The following AQP11 variants were observed in gnomAD, a reference collection of about 807,000 sequenced individuals.
The protein encoded by AQP11 is aquaporin 11.
A neutral mutation model predicts 21.1 loss-of-function variants in AQP11; 20 were observed. The ratio of observed to expected loss-of-function variants is 0.95; its 90% CI spans 0.67 to 1.38. The LOEUF (loss-of-function observed/expected upper bound fraction) is 1.38. Among genes scored for constraint, AQP11 ranks in the 40% most tolerant of loss-of-function variants. The pLI, the probability that AQP11 is intolerant of heterozygous loss-of-function variation, is 0.00. For synonymous variants in AQP11, 167 were observed against 150.1 expected, an observed-to-expected ratio of 1.11 and a Z score of -0.82; for missense variants, 339 against 340.4, an observed-to-expected ratio of 1.00 and a Z score of 0.03.
chr11:77,596,294 A>G (rs762287203), intron 1 of AQP11, among the ~76,000 whole-genome samples: 7 of 150,710 alleles, frequency 4.6e-5, no homozygotes, highest in Non-Finnish European at 8.9e-5. Context: ...TACAAAAATG[A>G]GCCTGGCATG....
intron 1 of AQP11, among the ~76,000 whole-genome samples, chr11:77,592,837 C>G (rs1246741344): frequency 6.8e-6 from 1 of 147,818 alleles, no homozygotes; most frequent in African/African-American, 2.5e-5. Flanking sequence ...CAGTGTTTCT[C>G]TCTGTATTAA....
chr11:77,597,796 C>T (rs1393642639), intron 1 of AQP11, among the ~76,000 whole-genome samples: 1 of 151,844 alleles, frequency 6.6e-6, no homozygotes, highest in African/African-American at 2.4e-5. Flanking sequence ...CTCTGTCACC[C>T]AGGCTGGAGT....
intron 2 of AQP11, 123 bp downstream of exon 2, chr11:77,603,795 G>T: frequency 1.5e-6 from 1 of 678,134 alleles, no homozygotes; most frequent in Non-Finnish European, 2.4e-6. Flanking sequence ...AATGAAAAAG[G>T]TAGCTAACAT....
intron 1 of AQP11, among the ~76,000 whole-genome samples, chr11:77,599,925 A>G (rs1022010501): frequency 5.3e-5 from 8 of 151,910 alleles, no homozygotes; most frequent in Non-Finnish European, 1.2e-4. Context: ...CATATAGATA[A>G]AACCCTACAG....
Position 77,590,172 on chromosome 11 carries a change from C to T in AQP11, c.180C>T (p.Cys60=). ...TAGCCACCTTCCAGCTCTGCTGCTG[C>T]ACCCACGAGCTGCAACTGCTGAGCG... The part of the protein sequence containing the change: ...EFLATFQLCC[C]THELQLLSEQ... Residue 60 remains cysteine (C), a synonymous_variant, in exon 1 of 3, where the codon TGC becomes TGT. Transcript: ENST00000313578. 2 of 1,604,638 alleles carry T rather than the reference C, an allele frequency of 1.2e-6. No homozygotes were observed.
chr11:77,596,532 A>G (rs1213314677), intron 1 of AQP11, among the ~76,000 whole-genome samples: 36 of 115,794 alleles, frequency 3.1e-4, no homozygotes, highest in Middle Eastern at 4.4e-3. Flanking sequence ...GTAAATATAT[A>G]TGTAAATATA....
chr11:77,596,694 A>G (rs1353565362), intron 1 of AQP11, among the ~76,000 whole-genome samples: 1 of 150,990 alleles, frequency 6.6e-6, no homozygotes, highest in Non-Finnish European at 1.5e-5. Context: ...CCCTGTCTCT[A>G]CAAAAAAATT....
rs73500729 is a variant in AQP11 at position 77,591,047 on chromosome 11, A to T, written c.619+436A>T. Reference sequence around the variant, plus strand: ...CACAAGGCACATGATTGGTTAGTATAAGAGCGGAGGGTAGAAATTTTGTAG... The same window carrying T: ...CACAAGGCACATGATTGGTTAGTATTAGAGCGGAGGGTAGAAATTTTGTAG... On this transcript the variant is annotated intron_variant, in intron 1 of 2. Coordinates refer to ENST00000313578, the MANE Select transcript of AQP11 (RefSeq NM_173039.3). 5.1e-4 allele frequency: 506 copies of T among 985,454 alleles called. 4 individuals are homozygous for T. The African/African-American group carries it at 7.9e-3, about 15-fold the overall frequency. The allele number at this position is 985,454 out of a possible 1,614,324, so 61.0% of individuals were successfully genotyped here.
chr11:77,601,465 T>G (rs945541445), intron 1 of AQP11, among the ~76,000 whole-genome samples: 2 of 151,726 alleles, frequency 1.3e-5, no homozygotes, highest in African/African-American at 4.8e-5. Context: ...TTCTCCTGCC[T>G]TAGCCTCCCA....
chr11:77,590,508 C>T lies in AQP11; in HGVS notation c.516C>T (p.Val172=). The change falls in exon 1 of 3, where the codon GTC becomes GTT. Residue 172 remains valine, a synonymous_variant. Coordinates refer to ENST00000313578, the MANE Select transcript of AQP11 (RefSeq NM_173039.3). ...DLLKAVITEA[V]CSFLFHSALL... is the part of the protein sequence containing the mutation. The stretch of plus-strand genomic sequence containing the variant: ...TCAAAGCGGTCATCACAGAGGCCGT[C>T]TGCTCCTTTCTCTTCCACAGCGCTC... 6.2e-7 allele frequency: 1 copy of T among 1,614,194 alleles called. No individual in the cohort carries two copies. The highest frequency in any genetic ancestry group is 8.5e-7 in the Non-Finnish European group (1 of 1,180,042).
At chr11:77,603,966 G>A (rs977891253) in intron 2 of AQP11, among the ~76,000 whole-genome samples, 1 of 150,312 alleles carries the variant, frequency 6.7e-6, no homozygotes, top group Admixed American at 6.6e-5. Flanking sequence ...AAAGAAATTT[G>A]TTTTTTCACA....
chr11:77,603,617 T>C lies in AQP11; in HGVS notation c.681T>C (p.Cys227=), dbSNP rs1958827682. 6.2e-7 allele frequency: 1 copy of C among 1,609,830 alleles called. No homozygotes were observed. Among genetic ancestry groups the C allele is most frequent in the Non-Finnish European group, 8.5e-7 (1 of 1,178,376 alleles). ...TGGCACTTTCGCTACATTTCATGTG[T>C]TTTGATGAAGCATTCCCTCAGTTTT... is the stretch of plus-strand genomic sequence containing the variant. ...PALALSLHFM[C]FDEAFPQFFI... Residue 227 remains cysteine (C), a synonymous_variant, in exon 2 of 3, where the codon TGT becomes TGC. Coordinates refer to ENST00000313578, the MANE Select transcript of AQP11 (RefSeq NM_173039.3).
At chr11:77,596,276 C>G (rs1406638216) in intron 1 of AQP11, among the ~76,000 whole-genome samples, 1 of 150,362 alleles carries the variant, frequency 6.7e-6, no homozygotes, top group Non-Finnish European at 1.5e-5. Flanking sequence ...CCCCATCTCT[C>G]CTAAAAATAC....
chr11:77,592,725 G>A (rs745325280), intron 1 of AQP11, among the ~76,000 whole-genome samples: 14 of 152,200 alleles, frequency 9.2e-5, no homozygotes, highest in Non-Finnish European at 1.9e-4. Context: ...GTTATTAGAA[G>A]TATCTATAAA....
At chr11:77,591,379 A>G in intron 1 of AQP11, 1 of 895,738 alleles carries the variant, frequency 1.1e-6, no homozygotes, top group Non-Finnish European at 1.3e-6. Context: ...TTTAATGATG[A>G]AATGTGTCAT....
intron 1 of AQP11, among the ~76,000 whole-genome samples, chr11:77,596,537 A>ATATATATATATATATAT (rs1958782852): frequency 1.2e-5 from 1 of 86,576 alleles, no homozygotes; most frequent in Non-Finnish European, 2.3e-5. Flanking sequence ...TATATATGTA[A>ATATATATATATATATAT]ATATATATAT....
intron 1 of AQP11, among the ~76,000 whole-genome samples, chr11:77,597,989 T>G (rs542712512): frequency 6.6e-6 from 1 of 152,144 alleles, no homozygotes; most frequent in Admixed American, 6.5e-5. Context: ...TCCACCCACC[T>G]TGGCCTCCCA....
At chr11:77,592,605 GATAATACTGTAT>G (rs1444426142) in intron 1 of AQP11, among the ~76,000 whole-genome samples, 1 of 152,112 alleles carries the variant, frequency 6.6e-6, no homozygotes, top group Non-Finnish European at 1.5e-5. Flanking sequence ...TGATTCCATA[GATAATACTGTAT>G]ATATTAGCCA....
Position 77,590,045 on chromosome 11 carries a change from TG to T in AQP11, c.56del (p.Gly19AspfsTer2). 6.3e-7 allele frequency: 1 copy of T among 1,588,108 alleles called. No homozygotes were observed. ...GAGCTGCAGGACACCTGCACCTCGC[TG>T]GGACTGATGCTGTCGGTGGTGCTGC... ...RSELQDTCTS[L>X]GLMLSVVLLM... On this transcript the variant is annotated frameshift_variant, in exon 1 of 3. Transcript: ENST00000313578. LOFTEE classifies it high-confidence loss of function.
Sources: allele counts gnomAD v4.1 joint callset (sites outside exome capture counted in the v4.1 genomes callset), GRCh38; gene constraint gnomAD v4.1.1; transcripts MANE v1.5; gene names NCBI Gene and HGNC (gene_info 2026-07-23, HGNC 2026-07-21).